The following TMEM182 variants were observed in gnomAD, a reference collection of about 807,000 sequenced individuals.
TMEM182 encodes transmembrane protein 182.
A neutral mutation model predicts 26.8 loss-of-function variants in TMEM182; 20 were observed. That is an observed-to-expected ratio of 0.75 (90% CI 0.53 to 1.09). TMEM182 has a LOEUF of 1.09. Ranked by LOEUF, TMEM182 falls within the 50% of genes least tolerant of loss-of-function variation. The pLI is 0.00. For synonymous variants in TMEM182, 109 were observed against 102.2 expected (o/e 1.07, Z -0.40); for missense variants, 277 against 275.5 (o/e 1.01, Z -0.04).
At chr2:102,795,070 C>T (rs1226798415) in intron 3 of TMEM182, among the ~76,000 whole-genome samples, 1 of 151,826 alleles carries the variant, frequency 6.6e-6, no homozygotes, top group Admixed American at 6.6e-5. Context: ...TCTCTCATCC[C>T]TGTTTTATTA....
Position 102,825,914 on chromosome 2 carries a change from C to T in TMEM182, c.326-17498C>T, listed in dbSNP as rs571245275. On this transcript the variant is annotated intron_variant, in intron 3 of 3. Transcript: ENST00000486293. ...CAGGTGTTTAGTCTCCATGTTCTCT[C>T]CATGATACCAACTGGTTTCTTCCTA... Among the ~76,000 whole-genome samples the T allele has an allele frequency of 6.7e-4, 102 of 152,308 alleles. 1 individual carries two copies. Among genetic ancestry groups the T allele is most frequent in the Admixed American group, 5.2e-3 (80 of 15,296 alleles).
rs1449890005 is a variant in TMEM182 at position 102,764,359 on chromosome 2, A to G, written c.263A>G (p.His88Arg). The change falls in exon 3 of 5, where the codon CAT (histidine) becomes CGT (arginine). Residue 88 changes from histidine to arginine, a missense_variant. Physicochemically the swap from His to Arg is conservative, Grantham distance 29. Transcript: ENST00000412401. ...CAGCCACCGTCCAAGAACTGCACAC[A>G]TGCTTACCTGTCTCCGTACCCCTTC... ...TNQPPSKNCT[H>R]AYLSPYPFMR... The G allele has an allele frequency of 3.6e-5, 58 of 1,613,846 alleles. No individual in the cohort carries two copies. Among genetic ancestry groups the G allele is most frequent in the East Asian group, 2.5e-4 (11 of 44,884 alleles).
At chr2:102,827,657 G>A (rs1006651910) in intron 3 of TMEM182, among the ~76,000 whole-genome samples, 1 of 152,204 alleles carries the variant, frequency 6.6e-6, no homozygotes. Flanking sequence ...CCTATGACAA[G>A]ATTTGGAGGT....
In TMEM182 at chr2:102,837,391, C is replaced by T. The variant is rs143929865; in HGVS notation, c.326-6021C>T. ...CAGCAAAGCATTGACTAGATTCTAC[C>T]GATACATTGAAGAATGATTTGCTGT... On this transcript the variant is annotated intron_variant, in intron 3 of 3. Coordinates refer to the TMEM182 transcript ENST00000486293. Among the ~76,000 whole-genome samples, 57 of 152,146 alleles carry T rather than the reference C, an allele frequency of 3.7e-4. No homozygotes were observed. The East Asian group carries it at 6.2e-3, about 16-fold the overall frequency.
Position 102,814,743 on chromosome 2 carries a change from C to G in TMEM182, c.470-5C>G. 1 of 1,611,368 alleles carries G rather than the reference C, an allele frequency of 6.2e-7. No individual in the cohort carries two copies. The highest frequency in any genetic ancestry group is 8.5e-7 in the Non-Finnish European group (1 of 1,178,356). ...GCTAACAGTCTTCTGTTTCATCCTT[C>G]TCAGGCATCCTATTTTCATTGGTGG... On this transcript the variant is annotated splice_polypyrimidine_tract_variant and splice_region_variant and intron_variant, in intron 4 of 4. Transcript: ENST00000412401.
At chr2:102,767,977 C>T (rs1445666628) in intron 3 of TMEM182, among the ~76,000 whole-genome samples, 1 of 151,814 alleles carries the variant, frequency 6.6e-6, no homozygotes, top group East Asian at 1.9e-4. Flanking sequence ...CTCTTCCTTC[C>T]TCCTCCTCTG....
Position 102,762,615 on chromosome 2 carries a change from G to C in TMEM182, c.161G>C (p.Gly54Ala). 1 of 1,613,880 alleles carries C rather than the reference G, an allele frequency of 6.2e-7. No individual in the cohort carries two copies. Among genetic ancestry groups the C allele is most frequent in the Non-Finnish European group, 8.5e-7 (1 of 1,179,902 alleles). The change falls in exon 2 of 5, where the codon GGG (glycine) becomes GCG (alanine). Residue 54 changes from glycine (G) to alanine (A), a missense_variant. By Grantham distance (60) the Gly-to-Ala change is moderately conservative. Transcript: ENST00000412401. Reference protein sequence around the residue: ...NIENVTFHHEGFFWRCWFNGI... With the variant: ...NIENVTFHHEAFFWRCWFNGI... ...GAGAACGTCACTTTTCACCATGAAG[G>C]GTTCTTCTGGAGGTGTTGGTTTAAT...
At chr2:102,802,338 G>C (rs1682178241) in intron 4 of TMEM182, among the ~76,000 whole-genome samples, 1 of 152,192 alleles carries the variant, frequency 6.6e-6, no homozygotes, top group Admixed American at 6.5e-5. Context: ...AACAGGCTCA[G>C]AGCAAGGCTC....
chr2:102,815,137 C>G lies in TMEM182; in HGVS notation c.*169C>G, dbSNP rs1682699055. 1.4e-6 allele frequency: 2 copies of G among 1,426,718 alleles called. No individual in the cohort carries two copies. The highest frequency in any genetic ancestry group is 5.8e-5 in the Admixed American group (2 of 34,460). 88.4% of individuals were successfully genotyped at this position (1,426,718 alleles called of 1,614,324 possible). A position where few individuals can be genotyped will look rare whatever the true frequency, so the allele number is the denominator to read the frequency against. The stretch of plus-strand genomic sequence containing the variant: ...CTTCAGTAAGAAGGTCCTAGAATCT[C>G]TCCAGACACCAGCAAGCCTCTATCT... On this transcript the variant is annotated 3_prime_UTR_variant, in exon 5 of 5. Coordinates refer to ENST00000412401, the MANE Select transcript of TMEM182 (RefSeq NM_144632.5).
chr2:102,804,254 C>T (rs1682264266), intron 4 of TMEM182, among the ~76,000 whole-genome samples: 1 of 151,770 alleles, frequency 6.6e-6, no homozygotes, highest in African/African-American at 2.4e-5. Context: ...TTTGGCACAC[C>T]CATCACCCAA....
intron 4 of TMEM182, among the ~76,000 whole-genome samples, chr2:102,811,547 T>A (rs1682555237): frequency 6.6e-6 from 1 of 152,214 alleles, no homozygotes; most frequent in South Asian, 2.1e-4. Flanking sequence ...TATTTTTAAG[T>A]GATTGTCAAA....
intron 3 of TMEM182, among the ~76,000 whole-genome samples, chr2:102,768,805 G>A (rs1051607766): frequency 2.6e-5 from 4 of 151,866 alleles, no homozygotes; most frequent in Non-Finnish European, 5.9e-5. Context: ...TATTTATCTA[G>A]TACTATTTTC....
chr2:102,790,695 A>G (rs1213252018), intron 3 of TMEM182, among the ~76,000 whole-genome samples: 4 of 152,194 alleles, frequency 2.6e-5, no homozygotes, highest in Non-Finnish European at 1.5e-5. Flanking sequence ...ATTTCCCTGT[A>G]CTGCCTACTC....
chr2:102,750,703 A>G (rs1011950693), intron 1 of TMEM182, among the ~76,000 whole-genome samples: 2 of 152,198 alleles, frequency 1.3e-5, no homozygotes, highest in Admixed American at 6.5e-5. Context: ...ATTGCATAGA[A>G]CAGTGGTTTC....
intron 3 of TMEM182, among the ~76,000 whole-genome samples, chr2:102,836,043 G>T (rs529805226): frequency 2.6e-5 from 4 of 152,228 alleles, no homozygotes; most frequent in African/African-American, 7.2e-5. Flanking sequence ...TGCATTGAAG[G>T]TTCCTCCATT....
intron 2 of TMEM182, 134 bp downstream of exon 2, chr2:102,762,820 A>G (rs1460151129): frequency 2.4e-5 from 15 of 625,736 alleles, no homozygotes; most frequent in Non-Finnish European, 4.0e-5. Flanking sequence ...TAAAAGGTTC[A>G]TCATGTAGAG....
intron 1 of TMEM182, among the ~76,000 whole-genome samples, chr2:102,743,891 G>T (rs1209064570): frequency 6.6e-6 from 1 of 151,948 alleles, no homozygotes; most frequent in African/African-American, 2.4e-5. Flanking sequence ...ACGATGAAAG[G>T]GTCAATTCTC....
chr2:102,798,392 A>G (rs1452599522), intron 4 of TMEM182, among the ~76,000 whole-genome samples: 10 of 152,222 alleles, frequency 6.6e-5, no homozygotes, highest in Admixed American at 6.5e-4. Context: ...GGATCGTAAC[A>G]TAAGTCTCTG....
chr2:102,837,598 G>C (rs1164532330), intron 3 of TMEM182, among the ~76,000 whole-genome samples: 2 of 152,222 alleles, frequency 1.3e-5, no homozygotes, highest in South Asian at 4.2e-4. Flanking sequence ...TAGTGCCAAG[G>C]TTCCTGCGTG....
Sources: gnomAD v4.1 joint callset for allele counts (sites outside exome capture counted in the v4.1 genomes callset) on GRCh38, gnomAD v4.1.1 for gene constraint, MANE v1.5 for transcripts, NCBI Gene and HGNC (gene_info 2026-07-23, HGNC 2026-07-21) for gene names.